Variants in ATG16L2 observed in about 807,000 individuals in gnomAD.
ATG16L2 encodes the protein autophagy related 16 like 2, also known as protein Atg16l2.
In ATG16L2, 77 loss-of-function variants were observed where a neutral mutation model predicts 84.7. That is an observed-to-expected ratio of 0.91 (90% CI 0.76 to 1.10). ATG16L2 has a LOEUF of 1.10. Among genes scored for constraint, ATG16L2 ranks in the 50% least tolerant of loss-of-function variants. The pLI is 0.00. For missense variants in ATG16L2, 782 were observed against 817.6 expected (o/e 0.96, Z 0.53); for synonymous variants, 361 against 342.8 (o/e 1.05, Z -0.59).
intron 3 of ATG16L2, among the ~76,000 whole-genome samples, chr11:72,819,953 G>A (rs1030009221): frequency 6.6e-6 from 1 of 152,078 alleles, no homozygotes; most frequent in Non-Finnish European, 1.5e-5. Flanking sequence ...CACCATGTTA[G>A]CTAGGATGGT....
intron 11 of ATG16L2, 137 bp from the exon 12 acceptor site, chr11:72,826,381 C>T: frequency 7.0e-7 from 1 of 1,432,494 alleles, no homozygotes; most frequent in Non-Finnish European, 9.6e-7. Flanking sequence ...GATCCTCCTC[C>T]TTGGGCCGGA....
intron 13 of ATG16L2, 143 bp downstream of exon 13, chr11:72,826,966 C>A: frequency 9.9e-7 from 1 of 1,009,762 alleles, no homozygotes; most frequent in Non-Finnish European, 1.4e-6. Context: ...CCCTCCAATT[C>A]CCTAATGGTA....
At chr11:72,819,455 G>C (rs894702549) in intron 3 of ATG16L2, among the ~76,000 whole-genome samples, 10 of 152,130 alleles carry the variant, frequency 6.6e-5, no homozygotes, top group Admixed American at 6.5e-5. Flanking sequence ...CACAAAACAT[G>C]CTTGTAAACA....
chr11:72,814,741 G>A (rs1859605334), intron 1 of ATG16L2, among the ~76,000 whole-genome samples, 178 bp downstream of exon 1: 1 of 152,218 alleles, frequency 6.6e-6, no homozygotes, highest in Non-Finnish European at 1.5e-5. Context: ...CCAGGCTCTG[G>A]TTAGAACCTG....
In ATG16L2 at chr11:72,827,278, G is replaced by A. The variant is rs769415235; in HGVS notation, c.1457G>A (p.Arg486Gln). The change falls in exon 14 of 18, where the codon CGG becomes CAG. Residue 486 changes from arginine (R) to glutamine (Q), a missense_variant. Coordinates refer to ENST00000321297, the MANE Select transcript of ATG16L2 (RefSeq NM_033388.2). The stretch of plus-strand genomic sequence containing the variant: ...AGTGGCCACAATGACCAGAAGATCC[G>A]GTTCTGGGACAGCAGGTGACAGGCG... ...IISGHNDQKI[R>Q]FWDSRGPHCT... 2.0e-5 allele frequency: 32 copies of A among 1,613,652 alleles called. No individual in the cohort carries two copies. Among genetic ancestry groups the A allele is most frequent in the Admixed American group, 8.3e-5 (5 of 59,992 alleles).
chr11:72,821,112 A>T, intron 3 of ATG16L2: 1 of 520,598 alleles, frequency 1.9e-6, no homozygotes, highest in Non-Finnish European at 2.5e-6. Flanking sequence ...TGATGCAGTT[A>T]GGTAGGTGGC....
chr11:72,823,758 C>T, intron 7 of ATG16L2: 1 of 519,248 alleles, frequency 1.9e-6, no homozygotes, highest in Non-Finnish European at 3.7e-6. Flanking sequence ...CGTCTCTCCT[C>T]CCTGTAGGCC....
rs1196372496 is a variant in ATG16L2, at chr11:72,826,758, G to A, written c.1301G>A (p.Arg434Lys). The change falls in exon 13 of 18, where the codon AGG (arginine) becomes AAG (lysine). Residue 434 changes from arginine to lysine, a missense_variant. Transcript: ENST00000321297. ...KVTAAKFKLT[R>K]HQAVTGSRDR... The stretch of plus-strand genomic sequence containing the variant: ...ACAGCTGCCAAATTCAAGCTAACGA[G>A]GCACCAGGCAGTGACTGGGAGCCGC... 6.2e-7 allele frequency: 1 copy of A among 1,614,114 alleles called. No homozygotes were observed.
At chr11:72,824,033 A>G in intron 7 of ATG16L2, 27 bp from the exon 8 acceptor site, 1 of 1,613,816 alleles carries the variant, frequency 6.2e-7, no homozygotes, top group Non-Finnish European at 8.5e-7. Context: ...CCAGTCCCTT[A>G]GCATATCTCT....
chr11:72,836,625 T>TC (rs1860736254), intron 5 of ATG16L2: 1 of 152,540 alleles, frequency 6.6e-6, no homozygotes, highest in Non-Finnish European at 1.5e-5. Context: ...TAATTTACTT[T>TC]CTCCTCTCTC....
At position 72,822,107 on chromosome 11, in the gene ATG16L2, G is replaced by C; in HGVS notation, c.456G>C (p.Gln152His). ...LREARAQQAQQVEEWRAQNAV... is the reference protein window; with the variant it reads ...LREARAQQAQHVEEWRAQNAV... ...AGGCGCGGGCGCAGCAGGCCCAGCA[G>C]GTGGAGGAGTGGCGGGCGCAGAATG... is the stretch of plus-strand genomic sequence containing the variant. Residue 152 changes from glutamine (Q) to histidine (H), a missense_variant, in exon 5 of 18, where the codon CAG becomes CAC. Gln to His is a conservative substitution (Grantham distance 24, BLOSUM62 0). Transcript: ENST00000321297. This position sits in a 1 kb window ranked among gnomAD's most constrained non-coding sequence, Gnocchi z 4.2. The C allele has an allele frequency of 5.9e-6, 9 of 1,537,492 alleles. No homozygotes were observed. Among genetic ancestry groups the C allele is most frequent in the Non-Finnish European group, 7.8e-6 (9 of 1,152,654 alleles).
At chr11:72,814,972 T>C (rs1476050851) in intron 1 of ATG16L2, among the ~76,000 whole-genome samples, 1 of 152,226 alleles carries the variant, frequency 6.6e-6, no homozygotes, top group African/African-American at 2.4e-5. Context: ...CAGCCACTTA[T>C]TGGCCCATCC....
intron 3 of ATG16L2, among the ~76,000 whole-genome samples, chr11:72,819,743 TTTTC>T (rs755243243): frequency 6.6e-5 from 10 of 151,516 alleles, no homozygotes; most frequent in Non-Finnish European, 1.3e-4. Context: ...AGGCTTTTTC[TTTTC>T]TTTCTTTTTT....
At chr11:72,823,817 G>A (rs958229276) in intron 7 of ATG16L2, 2 of 639,090 alleles carry the variant, frequency 3.1e-6, no homozygotes, top group South Asian at 1.5e-5. Context: ...AGTAGGGTAA[G>A]GCAGTTCTTC....
intron 5 of ATG16L2, among the ~76,000 whole-genome samples, chr11:72,835,322 G>A (rs1245205838): frequency 6.6e-6 from 1 of 152,166 alleles, no homozygotes; most frequent in Non-Finnish European, 1.5e-5. Context: ...CGTTACTATG[G>A]GCCTGGAAGA....
rs764256374 is a variant in ATG16L2, at chr11:72,828,431, G to T, written c.1545G>T (p.Leu515=). ...VTSLSLSHDQ[L]HLLSCSRDNT... ...CCCTGAGCCTCAGCCACGACCAACTGCACCTGCTCAGCTGTTCCCGAGACA... is the reference window on the plus strand; with the variant it reads ...CCCTGAGCCTCAGCCACGACCAACTTCACCTGCTCAGCTGTTCCCGAGACA... The change falls in exon 15 of 18, where the codon CTG becomes CTT. Residue 515 remains leucine (L), a synonymous_variant. Coordinates refer to ENST00000321297, the MANE Select transcript of ATG16L2 (RefSeq NM_033388.2). The T allele has an allele frequency of 2.5e-6, 4 of 1,613,872 alleles. No homozygotes were observed. Among genetic ancestry groups the T allele is most frequent in the Non-Finnish European group, 3.4e-6 (4 of 1,180,018 alleles).
At chr11:72,836,918 T>C (rs1044717952) in intron 5 of ATG16L2, 4 of 152,538 alleles carry the variant, frequency 2.6e-5, no homozygotes, top group Non-Finnish European at 5.9e-5. Context: ...AGGAGGCATG[T>C]TTTCACAACT....
exon 6 of ATG16L2, chr11:72,843,575 T>TA: frequency 7.1e-7 from 1 of 1,412,784 alleles, no homozygotes. Flanking sequence ...AAAGGTTAGA[T>TA]AAGGAGCAGA....
Position 72,843,443 on chromosome 11 carries a change from A to C in ATG16L2, c.*848A>C, listed in dbSNP as rs1861028541. The C allele has an allele frequency of 2.5e-6, 4 of 1,611,136 alleles. No homozygotes were observed. The Admixed American group carries it at 6.7e-5, about 27-fold the overall frequency. ...AAGAAAGGGCGATATGAGCAAAGGA[A>C]TATACCTTTACCCAGTCTTCCATAT... On this transcript the variant is annotated 3_prime_UTR_variant, in exon 6 of 6. Coordinates refer to the ATG16L2 transcript ENST00000534905.
Sources: gnomAD v4.1 joint callset for allele counts (sites outside exome capture counted in the v4.1 genomes callset) on GRCh38, gnomAD v4.1.1 for gene constraint, Gnocchi (gnomAD v3.1) non-coding constraint, MANE v1.5 for transcripts, NCBI Gene and HGNC (gene_info 2026-07-23, HGNC 2026-07-21) for gene names.